The following ADGRV1 variants were observed in gnomAD, a reference collection of about 807,000 sequenced individuals.
The protein encoded by ADGRV1 is G-protein coupled receptor 98.
ADGRV1 carries 359 observed loss-of-function variants against 596.2 expected under a neutral mutation model. The observed-to-expected ratio is 0.60, with a 90% CI of 0.55 to 0.66. The LOEUF is 0.66. Ranked by LOEUF, ADGRV1 falls within the 30% of genes least tolerant of loss-of-function variation. ADGRV1 has a pLI of 0.00. For synonymous variants in ADGRV1, 2,681 were observed against 2,679.2 expected (o/e 1.00, Z -0.02); for missense variants, 7,274 against 7,575.6 (o/e 0.96, Z 1.48).
At chr5:91,141,232 G>A (rs942110779) in intron 87 of ADGRV1, among the ~76,000 whole-genome samples, 4 of 152,242 alleles carry the variant, frequency 2.6e-5, no homozygotes, top group African/African-American at 7.2e-5. Flanking sequence ...GATATTTAAT[G>A]ATAGACATGT....
intron 85 of ADGRV1, among the ~76,000 whole-genome samples, chr5:91,023,052 T>G (rs1477954643): frequency 6.6e-6 from 1 of 152,168 alleles, no homozygotes; most frequent in Non-Finnish European, 1.5e-5. Flanking sequence ...TTTTTGTGTG[T>G]GGGTTAAAAC....
rs1744902264 is a variant in ADGRV1 at position 90,681,310 on chromosome 5, T to A, written c.5525-5T>A. ...TTTTCTATTTGTTGGAACTTGTTCA[T>A]GCAGCCAGTCTAGGAGTGGCTTCCC... On this transcript the variant is annotated splice_polypyrimidine_tract_variant and splice_region_variant and intron_variant, in intron 26 of 89. Coordinates refer to ENST00000405460, the MANE Select transcript of ADGRV1 (RefSeq NM_032119.4). The A allele has an allele frequency of 1.2e-6, 2 of 1,611,686 alleles. No homozygotes were observed. The highest frequency in any genetic ancestry group is 2.7e-5 in the African/African-American group (2 of 74,828).
chr5:90,661,327 T>C (rs1770260386), intron 21 of ADGRV1, among the ~76,000 whole-genome samples: 1 of 152,194 alleles, frequency 6.6e-6, no homozygotes, highest in Non-Finnish European at 1.5e-5. Flanking sequence ...ATTTATAAAC[T>C]ATGGCTTAAG....
At chr5:90,879,391 G>A (rs1245892779) in intron 83 of ADGRV1, among the ~76,000 whole-genome samples, 1 of 152,106 alleles carries the variant, frequency 6.6e-6, no homozygotes, top group Non-Finnish European at 1.5e-5. Context: ...AAAAGAACAA[G>A]CAGTATTCAT....
intron 87 of ADGRV1, among the ~76,000 whole-genome samples, chr5:91,138,841 G>A (rs957993160): frequency 4.7e-5 from 7 of 150,456 alleles, no homozygotes; most frequent in Non-Finnish European, 2.9e-5. Flanking sequence ...GCACCATCTC[G>A]GCTCACTGCA....
chr5:90,912,206 C>T (rs117791617), intron 83 of ADGRV1, among the ~76,000 whole-genome samples: 1 of 151,882 alleles, frequency 6.6e-6, no homozygotes, highest in East Asian at 1.9e-4. Context: ...TCAAAAAGAC[C>T]AGTGGTGAAA....
intron 85 of ADGRV1, among the ~76,000 whole-genome samples, chr5:91,025,353 G>A (rs1164056592): frequency 6.6e-6 from 1 of 150,568 alleles, no homozygotes; most frequent in African/African-American, 2.4e-5. Context: ...TTTTTTTTTA[G>A]GCCATGTCTT....
intron 1 of ADGRV1, among the ~76,000 whole-genome samples, chr5:90,614,404 T>G (rs1763083918): frequency 6.6e-6 from 1 of 152,078 alleles, no homozygotes; most frequent in Non-Finnish European, 1.5e-5. Flanking sequence ...AAGAAATCAA[T>G]TTATTGCTAA....
At chr5:90,784,140 T>G in intron 67 of ADGRV1, 83 bp downstream of exon 67, 2 of 870,324 alleles carry the variant, frequency 2.3e-6, no homozygotes, top group South Asian at 3.8e-5. Context: ...CCCAAGTATA[T>G]TTCTTTATTC....
Position 90,685,568 on chromosome 5 carries a change from T to C in ADGRV1, c.6275-212T>C, listed in dbSNP as rs113581564. ...CCACTACACTCCAACACTCCAGCAC[T>C]CCAGCCTGCGTGGTAGAGAGTCCAT... On this transcript the variant is annotated intron_variant, in intron 28 of 89. Transcript: ENST00000405460. Among the ~76,000 whole-genome samples the C allele has an allele frequency of 0.036, 5,474 of 151,196 alleles. 204 individuals carry two copies. Among genetic ancestry groups the C allele is most frequent in the African/African-American group, 0.097 (4,000 of 41,136 alleles).
At chr5:90,930,648 C>T (rs1446320760) in intron 83 of ADGRV1, among the ~76,000 whole-genome samples, 1 of 152,070 alleles carries the variant, frequency 6.6e-6, no homozygotes, top group Non-Finnish European at 1.5e-5. Flanking sequence ...TCTAAATTTA[C>T]GTGAGTCCAA....
rs748743357 is a variant in ADGRV1, at chr5:90,658,120, G to T, written c.4594G>T (p.Asp1532Tyr). ...NKSFIISARDDNDEEGEELFI... is the reference protein window; with the variant it reads ...NKSFIISARDYNDEEGEELFI... ...ATCATTCATTATTTCTGCAAGAGATGACAATGACGAGGAAGGAGAAGAATT... is the reference window on the plus strand; with the variant it reads ...ATCATTCATTATTTCTGCAAGAGATTACAATGACGAGGAAGGAGAAGAATT... The change falls in exon 21 of 90, where the codon GAC becomes TAC. Residue 1532 changes from aspartate (D) to tyrosine (Y), a missense_variant. This residue lies in a region of ADGRV1 where 3,643 missense variants were observed against 3,809.2 expected (regional missense o/e 0.96). Transcript: ENST00000405460. The T allele has an allele frequency of 1.2e-5, 19 of 1,613,740 alleles. No homozygotes were observed. In the South Asian group the frequency reaches 1.9e-4, roughly 16 times the overall value.
intron 67 of ADGRV1, among the ~76,000 whole-genome samples, chr5:90,787,752 G>A (rs1255934508): frequency 1.3e-5 from 2 of 151,382 alleles, no homozygotes; most frequent in Non-Finnish European, 1.5e-5. Context: ...CACCACGCCC[G>A]GCTAATTTTT....
At chr5:90,914,526 G>A (rs1773177163) in intron 83 of ADGRV1, among the ~76,000 whole-genome samples, 1 of 152,134 alleles carries the variant, frequency 6.6e-6, no homozygotes, top group South Asian at 2.1e-4. Flanking sequence ...GCTAGATGAA[G>A]AGTTTTAATT....
intron 87 of ADGRV1, among the ~76,000 whole-genome samples, chr5:91,135,178 CAAAA>C (rs70973732): frequency 2.2e-5 from 2 of 92,998 alleles, no homozygotes; most frequent in Admixed American, 1.3e-4. Flanking sequence ...GACTCCATCT[CAAAA>C]AAAAAAAAAA....
At chr5:90,582,349 T>C (rs1758175398) in intron 1 of ADGRV1, among the ~76,000 whole-genome samples, 2 of 152,186 alleles carry the variant, frequency 1.3e-5, no homozygotes, top group African/African-American at 2.4e-5. Flanking sequence ...GCCAAGAAGA[T>C]ATTGTTTTAT....
At chr5:90,785,707 T>A (rs1759361312) in intron 67 of ADGRV1, among the ~76,000 whole-genome samples, 1 of 152,088 alleles carries the variant, frequency 6.6e-6, no homozygotes, top group African/African-American at 2.4e-5. Context: ...TGAGATACCA[T>A]CTCACTCCAG....
At chr5:90,967,917 A>G (rs1381370830) in intron 84 of ADGRV1, among the ~76,000 whole-genome samples, 1 of 152,242 alleles carries the variant, frequency 6.6e-6, no homozygotes, top group African/African-American at 2.4e-5. Context: ...CGTTGATAGC[A>G]GTATGGAAGC....
At chr5:90,778,319 A>G (rs2150078182) in intron 62 of ADGRV1, 108 bp from the exon 63 acceptor site, 1 of 959,652 alleles carries the variant, frequency 1.0e-6, no homozygotes, top group South Asian at 1.6e-5. Flanking sequence ...AAGAGTGGGA[A>G]TGAGGAGGAG....
Sources: gnomAD v4.1 joint callset for allele counts (sites outside exome capture counted in the v4.1 genomes callset) on GRCh38, gnomAD v4.1.1 for gene constraint, gnomAD v4.1.1 regional missense constraint, MANE v1.5 for transcripts, NCBI Gene and HGNC (gene_info 2026-07-23, HGNC 2026-07-21) for gene names.